The following HIPK2 variants were observed in gnomAD, a reference collection of about 807,000 sequenced individuals.
The protein encoded by HIPK2 is homeodomain-interacting protein kinase 2.
HIPK2 carries 27 observed loss-of-function variants against 113.7 expected under a neutral mutation model. The ratio of observed to expected loss-of-function variants is 0.24; its 90% CI spans 0.17 to 0.33. HIPK2 has a LOEUF of 0.33. Among genes scored for constraint, HIPK2 ranks in the 10% least tolerant of loss-of-function variants. The probability of loss-of-function intolerance (pLI) is 1.00; values close to 1 mark genes in which losing one functional copy is unlikely to be tolerated. For synonymous variants in HIPK2, 631 were observed against 642.2 expected, an observed-to-expected ratio of 0.98 and a Z score of 0.26; for missense variants, 1,257 against 1,588.0, an observed-to-expected ratio of 0.79 and a Z score of 3.54.
At chr7:139,746,292 C>T (rs751902308) in intron 1 of HIPK2, among the ~76,000 whole-genome samples, 2 of 152,216 alleles carry the variant, frequency 1.3e-5, no homozygotes, top group Non-Finnish European at 2.9e-5. Flanking sequence ...GCTCCCTAGC[C>T]ACCTTTCCAA....
At chr7:139,668,953 T>C (rs1802160431) in intron 2 of HIPK2, among the ~76,000 whole-genome samples, 1 of 152,220 alleles carries the variant, frequency 6.6e-6, no homozygotes, top group African/African-American at 2.4e-5. Context: ...CTGAAAATAA[T>C]CAAATAACCA....
At chr7:139,757,424 G>C (rs1289481918) in intron 1 of HIPK2, among the ~76,000 whole-genome samples, 2 of 152,066 alleles carry the variant, frequency 1.3e-5, no homozygotes, top group Non-Finnish European at 2.9e-5. Flanking sequence ...GGAGGCACTG[G>C]GGATCTGGAA....
chr7:139,610,248 G>T (rs1799767323), intron 9 of HIPK2, among the ~76,000 whole-genome samples: 1 of 152,186 alleles, frequency 6.6e-6, no homozygotes, highest in African/African-American at 2.4e-5. Flanking sequence ...GATGGCTCCT[G>T]GCTTACTAGG....
At chr7:139,728,528 C>CA (rs1376545745) in intron 1 of HIPK2, among the ~76,000 whole-genome samples, 2 of 152,104 alleles carry the variant, frequency 1.3e-5, no homozygotes, top group Admixed American at 6.5e-5. Context: ...TATCTGTGTC[C>CA]AAATTTCCCT....
chr7:139,737,075 A>G (rs530599685), intron 1 of HIPK2, among the ~76,000 whole-genome samples: 1 of 152,240 alleles, frequency 6.6e-6, no homozygotes, highest in East Asian at 1.9e-4. Flanking sequence ...TTAAGCAGAA[A>G]ATGAAGCTAT....
rs901500207 is a variant in HIPK2, at chr7:139,603,716, T to C, written c.2255+365A>G. Among the ~76,000 whole-genome samples the C allele has an allele frequency of 1.8e-4, 28 of 152,182 alleles. No homozygotes were observed. In the South Asian group the frequency reaches 4.8e-3, roughly 26 times the overall value. On this transcript the variant is annotated intron_variant, in intron 10 of 14. Transcript: ENST00000406875. Reference sequence around the variant, plus strand: ...GGGCTTTGGGGACCCTCTTCTGCATTCTTTCACTGGTGACAGACCTTTGTT... The same window carrying C: ...GGGCTTTGGGGACCCTCTTCTGCATCCTTTCACTGGTGACAGACCTTTGTT...
At chr7:139,643,560 C>T (rs987526320) in intron 2 of HIPK2, among the ~76,000 whole-genome samples, 1 of 152,142 alleles carries the variant, frequency 6.6e-6, no homozygotes, top group Non-Finnish European at 1.5e-5. Flanking sequence ...GATGTTGGTG[C>T]AAACTGGAAA....
intron 2 of HIPK2, among the ~76,000 whole-genome samples, chr7:139,704,563 C>A (rs1794834566): frequency 6.6e-6 from 1 of 151,854 alleles, no homozygotes. Context: ...ATATACATAC[C>A]CCATGTGAAC....
At chr7:139,756,189 A>G (rs1177869786) in intron 1 of HIPK2, among the ~76,000 whole-genome samples, 1 of 152,220 alleles carries the variant, frequency 6.6e-6, no homozygotes, top group African/African-American at 2.4e-5. Flanking sequence ...TAAAAATCCA[A>G]TATTGTCAAT....
chr7:139,673,392 C>T (rs1194194993), intron 2 of HIPK2, among the ~76,000 whole-genome samples: 1 of 152,160 alleles, frequency 6.6e-6, no homozygotes, highest in Non-Finnish European at 1.5e-5. Context: ...GGAGACCAGC[C>T]TGTCTGGGAA....
intron 6 of HIPK2, among the ~76,000 whole-genome samples, chr7:139,625,742 G>C (rs146527864): frequency 1.3e-5 from 2 of 152,298 alleles, no homozygotes; most frequent in East Asian, 3.9e-4. Context: ...TAGCAGCCTG[G>C]TGATTTGGGC....
At chr7:139,765,551 C>T (rs1796538948) in intron 1 of HIPK2, among the ~76,000 whole-genome samples, 1 of 152,216 alleles carries the variant, frequency 6.6e-6, no homozygotes, top group South Asian at 2.1e-4. Flanking sequence ...ATGCTGTACA[C>T]TTGGCACCTA....
At chr7:139,732,441 C>T (rs79503696) in intron 1 of HIPK2, among the ~76,000 whole-genome samples, 3,672 of 152,282 alleles carry the variant, frequency 0.024, 124 homozygotes, top group African/African-American at 0.082. Flanking sequence ...GTTCTTGTAG[C>T]GGGGCGCCTT....
intron 2 of HIPK2, among the ~76,000 whole-genome samples, chr7:139,646,432 C>T (rs1384420417): frequency 6.8e-6 from 1 of 147,592 alleles, no homozygotes; most frequent in African/African-American, 2.5e-5. Flanking sequence ...CCTGGGAAGT[C>T]GAGGCTGCAG....
chr7:139,595,136 C>A (rs892305021), intron 12 of HIPK2, among the ~76,000 whole-genome samples: 1 of 152,210 alleles, frequency 6.6e-6, no homozygotes, highest in African/African-American at 2.4e-5. Context: ...GAATGAGATT[C>A]CAATCTAGCT....
At chr7:139,726,100 T>G (rs1585425952) in intron 1 of HIPK2, among the ~76,000 whole-genome samples, 1 of 152,356 alleles carries the variant, frequency 6.6e-6, no homozygotes, top group African/African-American at 2.4e-5. Context: ...TGTCTTCTGG[T>G]TATGACATCT....
chr7:139,639,222 A>G (rs941009679), intron 2 of HIPK2, among the ~76,000 whole-genome samples: 7 of 152,204 alleles, frequency 4.6e-5, no homozygotes, highest in Non-Finnish European at 8.8e-5. Flanking sequence ...CTGCTAGTCT[A>G]TAAGGCTCTG....
intron 2 of HIPK2, among the ~76,000 whole-genome samples, chr7:139,712,598 C>T (rs1795104308): frequency 6.6e-6 from 1 of 152,248 alleles, no homozygotes; most frequent in Admixed American, 6.5e-5. Context: ...GCGGCTCAAA[C>T]ACACAGCCAT....
At position 139,575,202 on chromosome 7, in the gene HIPK2, A is replaced by G; in HGVS notation, c.3052T>C (p.Ser1018Pro). Residue 1018 changes from serine (S) to proline (P), a missense_variant, in exon 14 of 15, where the codon TCT becomes CCT. Physicochemically the swap from Ser to Pro is moderately conservative, Grantham distance 74. Transcript: ENST00000406875. ...TGCTGCCGGTAGGTGATGGCTCCAG[A>G]TGAGCTCCCTGAAGAGTGACCGCTG... ...STSGHSSGSS[S>P]GAITYRQQRP... is the part of the protein sequence containing the mutation. The G allele has an allele frequency of 1.9e-6, 3 of 1,587,966 alleles. No individual in the cohort carries two copies. The highest frequency in any genetic ancestry group is 3.6e-5 in the Admixed American group (2 of 55,668).
Sources: gnomAD v4.1 joint callset for allele counts (sites outside exome capture counted in the v4.1 genomes callset) on GRCh38, gnomAD v4.1.1 for gene constraint, MANE v1.5 for transcripts, NCBI Gene and HGNC (gene_info 2026-07-23, HGNC 2026-07-21) for gene names.